The following POLR3B variants were observed in gnomAD, a reference collection of about 807,000 sequenced individuals.
The protein encoded by POLR3B is RNA polymerase III subunit B, also known as DNA-directed RNA polymerase III subunit RPC2.
In POLR3B, 96 loss-of-function variants were observed where a neutral mutation model predicts 147.4. That is an observed-to-expected ratio of 0.65 (90% CI 0.55 to 0.77). The LOEUF (loss-of-function observed/expected upper bound fraction) is 0.77, where lower values mean the gene tolerates loss of function less well. Among genes scored for constraint, POLR3B ranks in the 30% least tolerant of loss-of-function variants. The probability of loss-of-function intolerance (pLI) is 0.00; values close to 1 mark genes in which losing one functional copy is unlikely to be tolerated. For synonymous variants in POLR3B, 461 were observed against 485.9 expected (o/e 0.95, Z 0.67); for missense variants, 1,036 against 1,413.5 (o/e 0.73, Z 4.28).
chr12:106,418,641 C>T (rs896045468), intron 12 of POLR3B, among the ~76,000 whole-genome samples: 1 of 152,000 alleles, frequency 6.6e-6, no homozygotes, highest in Non-Finnish European at 1.5e-5. Flanking sequence ...AGCATTTTTC[C>T]CTGAAATATG....
Position 106,496,804 on chromosome 12 carries a change from G to C in POLR3B, c.2870G>C (p.Arg957Thr). Reference protein sequence around the residue: ...LAGKAGVLDGRFHYGTAFGGS... With the variant: ...LAGKAGVLDGTFHYGTAFGGS... ...GGCAAGGCCGGTGTGCTGGACGGCA[G>C]ATTCCACTACGGCACTGCGTTTGGA... Residue 957 changes from arginine (R) to threonine (T), a missense_variant, in exon 25 of 28, where the codon AGA becomes ACA. Physicochemically the swap from Arg to Thr is moderately conservative, Grantham distance 71. This residue lies in a region of POLR3B where 88 missense variants were observed against 87.5 expected (regional missense o/e 1.01). Transcript: ENST00000228347. 1 of 1,614,154 alleles carries C rather than the reference G, an allele frequency of 6.2e-7. No individual in the cohort carries two copies. The highest frequency in any genetic ancestry group is 8.5e-7 in the Non-Finnish European group (1 of 1,180,018).
At chr12:106,370,631 G>GTTTTTTTTTTTTTTTTTTT (rs1208633414) in intron 6 of POLR3B, among the ~76,000 whole-genome samples, 3 of 126,562 alleles carry the variant, frequency 2.4e-5, no homozygotes, top group Non-Finnish European at 5.2e-5. Context: ...TTGTTTTATT[G>GTTTTTTTTTTTTTTTTTTT]TTTTTTTTTT....
intron 23 of POLR3B, among the ~76,000 whole-genome samples, chr12:106,478,428 T>C (rs1403323824): frequency 1.3e-5 from 2 of 152,186 alleles, no homozygotes; most frequent in Non-Finnish European, 2.9e-5. Flanking sequence ...CTTTGACTTG[T>C]ACGTCTCTTT....
intron 9 of POLR3B, among the ~76,000 whole-genome samples, chr12:106,384,375 G>A (rs561117814): frequency 3.4e-4 from 52 of 152,302 alleles, no homozygotes; most frequent in African/African-American, 1.2e-3. Context: ...TTGATCCTCA[G>A]TATTTGCAAA....
intron 21 of POLR3B, among the ~76,000 whole-genome samples, chr12:106,458,434 C>T (rs1429762165): frequency 6.6e-6 from 1 of 152,056 alleles, no homozygotes; most frequent in Non-Finnish European, 1.5e-5. Flanking sequence ...TCATTATGAT[C>T]CTAAAAGCAA....
At chr12:106,386,824 G>A (rs1029765083) in intron 9 of POLR3B, among the ~76,000 whole-genome samples, 2 of 151,866 alleles carry the variant, frequency 1.3e-5, no homozygotes, top group African/African-American at 2.4e-5. Flanking sequence ...GGAGAATGGC[G>A]TGAACCTGGA....
Position 106,430,456 on chromosome 12 carries a change from G to A in POLR3B, c.1447G>A (p.Asp483Asn). 6.2e-7 allele frequency: 1 copy of A among 1,612,734 alleles called. No homozygotes were observed. The highest frequency in any genetic ancestry group is 8.5e-7 in the Non-Finnish European group (1 of 1,179,630). Residue 483 changes from aspartate (D) to asparagine (N), a missense_variant, in exon 14 of 28, where the codon GAC (aspartate) becomes AAC (asparagine). This residue lies in a region of POLR3B where 177 missense variants were observed against 232.7 expected (regional missense o/e 0.76). Transcript: ENST00000228347. ...PSQWGMLCPSDTPEGEACGLV... is the reference protein window; with the variant it reads ...PSQWGMLCPSNTPEGEACGLV... ...TCAGTGGGGAATGCTGTGTCCTTCG[G>A]ACACTCCTGAAGGAGAGGTAAGGAA...
intron 12 of POLR3B, among the ~76,000 whole-genome samples, 183 bp downstream of exon 12, chr12:106,411,143 T>G (rs1009574661): frequency 2.6e-5 from 4 of 152,220 alleles, no homozygotes; most frequent in African/African-American, 7.2e-5. Context: ...TTCTTTTTTT[T>G]TTGTTTTCTT....
chr12:106,412,977 A>T (rs1013802446), intron 12 of POLR3B, among the ~76,000 whole-genome samples: 4 of 151,742 alleles, frequency 2.6e-5, no homozygotes, highest in Non-Finnish European at 4.4e-5. Context: ...CCATTTAAAA[A>T]TTTTTTTTCT....
At chr12:106,476,899 C>A (rs995336301) in intron 23 of POLR3B, among the ~76,000 whole-genome samples, 1 of 151,814 alleles carries the variant, frequency 6.6e-6, no homozygotes, top group East Asian at 1.9e-4. Context: ...AGCTTTGTTC[C>A]GTTGCTGGTG....
At chr12:106,437,163 C>T in intron 17 of POLR3B, 32 bp downstream of exon 17, 1 of 1,315,302 alleles carries the variant, frequency 7.6e-7, no homozygotes, top group Non-Finnish European at 1.1e-6. Flanking sequence ...TTACCAATCT[C>T]CTTAATACCC....
chr12:106,407,695 G>A (rs1185241090), intron 11 of POLR3B, among the ~76,000 whole-genome samples: 1 of 152,020 alleles, frequency 6.6e-6, no homozygotes, highest in Non-Finnish European at 1.5e-5. Flanking sequence ...CAGGTGTGGT[G>A]GTGCATGCCT....
chr12:106,398,142 C>T (rs2037006665), intron 10 of POLR3B, among the ~76,000 whole-genome samples: 1 of 152,238 alleles, frequency 6.6e-6, no homozygotes, highest in Non-Finnish European at 1.5e-5. Context: ...CCTAATACTG[C>T]ACTTTCCCAA....
At chr12:106,358,186 C>T (rs867953022) in intron 1 of POLR3B, 3 of 1,430,232 alleles carry the variant, frequency 2.1e-6, no homozygotes, top group South Asian at 1.5e-5. Flanking sequence ...CGAGAAGCCC[C>T]GCTGCTGGCT....
chr12:106,443,944 C>T (rs913625833), intron 18 of POLR3B, among the ~76,000 whole-genome samples: 13 of 152,198 alleles, frequency 8.5e-5, no homozygotes, highest in African/African-American at 2.9e-4. Context: ...CCTGCCTCAG[C>T]CTCCCAAGTA....
At chr12:106,381,690 T>C (rs972137860) in intron 9 of POLR3B, among the ~76,000 whole-genome samples, 3 of 152,252 alleles carry the variant, frequency 2.0e-5, no homozygotes, top group African/African-American at 7.2e-5. Flanking sequence ...CAAACTCTTG[T>C]TGATGTTGGT....
At chr12:106,463,848 G>T (rs1288619207) in intron 23 of POLR3B, among the ~76,000 whole-genome samples, 1 of 152,054 alleles carries the variant, frequency 6.6e-6, no homozygotes, top group Non-Finnish European at 1.5e-5. Flanking sequence ...TCCTGCAGTT[G>T]CTATGCCCAG....
At chr12:106,393,971 A>T (rs977480315) in intron 10 of POLR3B, among the ~76,000 whole-genome samples, 6 of 152,154 alleles carry the variant, frequency 3.9e-5, no homozygotes, top group Non-Finnish European at 8.8e-5. Context: ...TAGAATCACA[A>T]CAGACAGTTC....
chr12:106,420,254 C>T (rs2037357335), intron 12 of POLR3B, among the ~76,000 whole-genome samples: 2 of 152,108 alleles, frequency 1.3e-5, no homozygotes, highest in South Asian at 4.1e-4. Context: ...TCAATGTTTG[C>T]TTCAGGGATC....
Sources: gnomAD v4.1 joint callset for allele counts (sites outside exome capture counted in the v4.1 genomes callset) on GRCh38, gnomAD v4.1.1 for gene constraint, gnomAD v4.1.1 regional missense constraint, MANE v1.5 for transcripts, NCBI Gene and HGNC (gene_info 2026-07-23, HGNC 2026-07-21) for gene names.